Variants in WRN observed in about 807,000 individuals in gnomAD.
WRN encodes the protein WRN RecQ like helicase.
Under a neutral mutation model 180.7 loss-of-function variants are expected in WRN, and 149 were observed. The observed-to-expected ratio is 0.82, with a 90% CI of 0.72 to 0.94. The LOEUF is 0.94. Ranked by LOEUF, WRN falls within the 40% of genes least tolerant of loss-of-function variation. The pLI is 0.00. For synonymous variants in WRN, 548 were observed against 568.9 expected (o/e 0.96, Z 0.52); for missense variants, 1,661 against 1,700.1 (o/e 0.98, Z 0.40).
chr8:31,109,988 A>G (rs951610959), intron 18 of WRN, among the ~76,000 whole-genome samples: 4 of 152,162 alleles, frequency 2.6e-5, no homozygotes, highest in East Asian at 3.8e-4. Flanking sequence ...TTAGAAACAA[A>G]CCCAACCCTG....
intron 8 of WRN, among the ~76,000 whole-genome samples, chr8:31,078,976 C>T (rs1449662172): frequency 6.6e-6 from 1 of 152,154 alleles, no homozygotes; most frequent in Non-Finnish European, 1.5e-5. Flanking sequence ...TATGTTACAC[C>T]ATTTCCTGTC....
In WRN at chr8:31,090,448, T is replaced by G; in HGVS notation, c.1653-17T>G. 1 of 1,609,898 alleles carries G rather than the reference T, an allele frequency of 6.2e-7. No individual in the cohort carries two copies. Among genetic ancestry groups the G allele is most frequent in the Non-Finnish European group, 8.5e-7 (1 of 1,177,050 alleles). ...TTATTAATAAAACAAAATAGCTTTT[T>G]GCTTTTCACCTTCAAGAGTTCAGTG... On this transcript the variant is annotated splice_polypyrimidine_tract_variant and intron_variant, in intron 13 of 34. Transcript: ENST00000298139.
chr8:31,168,544 T>A (rs2130519068), intron 34 of WRN, among the ~76,000 whole-genome samples: 1 of 152,238 alleles, frequency 6.6e-6, no homozygotes, highest in Non-Finnish European at 1.5e-5. Context: ...GGAGAAATTT[T>A]ACTAAGCTTG....
chr8:31,133,736 A>AT (rs1166116617), intron 24 of WRN, among the ~76,000 whole-genome samples: 1 of 152,160 alleles, frequency 6.6e-6, no homozygotes, highest in Non-Finnish European at 1.5e-5. Flanking sequence ...GTGAAACTGT[A>AT]TTTTTTATAA....
intron 6 of WRN, among the ~76,000 whole-genome samples, 197 bp downstream of exon 6, chr8:31,067,379 G>C (rs1812752717): frequency 6.6e-6 from 1 of 152,114 alleles, no homozygotes; most frequent in Admixed American, 6.6e-5. Context: ...CCAATCAACA[G>C]ATTGTTCAAT....
intron 28 of WRN, among the ~76,000 whole-genome samples, chr8:31,144,339 G>T (rs1463543573): frequency 5.5e-5 from 8 of 144,394 alleles, no homozygotes; most frequent in Admixed American, 6.9e-5. Context: ...CTCTAAGTGT[G>T]TTTTTTTTTT....
intron 1 of WRN, among the ~76,000 whole-genome samples, chr8:31,050,509 CTTTTTT>C (rs60531883): frequency 7.5e-6 from 1 of 133,142 alleles, no homozygotes; most frequent in East Asian, 2.2e-4. Flanking sequence ...GTTTTGGATA[CTTTTTT>C]TTTTTTTTTT....
In WRN at chr8:31,154,654, G is replaced by T; in HGVS notation, c.3718G>T (p.Glu1240Ter). ...TDLFSSTKPQ[E>*]EQKTSLVAKN... ...CCTCTTTTCAAGTACAAAACCTCAA[G>T]AAGAACAGAAGACGAGTCTGGTAGC... is the stretch of plus-strand genomic sequence containing the variant. The change falls in exon 32 of 35, where the codon GAA becomes TAA. Residue 1240 changes from glutamate to a stop codon, truncating the protein, a stop_gained. Transcript: ENST00000298139. LOFTEE classifies it high-confidence loss of function. 6.2e-7 allele frequency: 1 copy of T among 1,613,380 alleles called. No homozygotes were observed. The highest frequency in any genetic ancestry group is 1.7e-4 in the Middle Eastern group (1 of 6,054).
rs1803425567 is a variant in WRN at position 31,157,373 on chromosome 8, C to G, written c.3825C>G (p.Ser1275Arg). The change falls in exon 33 of 35, where the codon AGC (serine) becomes AGG (arginine). Residue 1275 changes from serine to arginine, a missense_variant. Coordinates refer to ENST00000298139, the MANE Select transcript of WRN (RefSeq NM_000553.6). ...CTTTGCTGATCTTTCTCTAGAAGAG[C>G]ATAGCTGAGAGCAGGATTCTGCCTC... ...LFQEKKMPLK[S>R]IAESRILPLM... The G allele has an allele frequency of 1.2e-6, 2 of 1,613,776 alleles. No homozygotes were observed. Among genetic ancestry groups the G allele is most frequent in the African/African-American group, 1.3e-5 (1 of 74,898 alleles).
rs111567321 is a variant in WRN, at chr8:31,175,082, C to T, written c.*1980C>T. 2.0e-5 allele frequency among the ~76,000 whole-genome samples: 3 copies of T among 151,754 alleles called. No individual in the cohort carries two copies. Among genetic ancestry groups the T allele is most frequent in the East Asian group, 1.9e-4 (1 of 5,178 alleles). ...TTATATAAAGATTTTTTCTGTGTTT[C>T]GAAGATCCGTATAACTCAGTGAATC... On this transcript the variant is annotated 3_prime_UTR_variant, in exon 35 of 35. Transcript: ENST00000298139.
At chr8:31,105,216 A>G (rs529154095) in intron 18 of WRN, among the ~76,000 whole-genome samples, 23 of 152,320 alleles carry the variant, frequency 1.5e-4, no homozygotes, top group African/African-American at 4.3e-4. Context: ...AGATTTTAGT[A>G]TCATGGTTCA....
At chr8:31,087,556 G>GT in intron 11 of WRN, 1 of 493,860 alleles carries the variant, frequency 2.0e-6, no homozygotes, top group South Asian at 2.1e-5. Context: ...AATGAGCCTT[G>GT]TTTATGCTGG....
intron 19 of WRN, 33 bp from the exon 20 acceptor site, chr8:31,116,321 T>C (rs1237748416): frequency 1.2e-6 from 2 of 1,609,480 alleles, no homozygotes; most frequent in Non-Finnish European, 1.7e-6. Flanking sequence ...ATAAAGTATA[T>C]ATGTTTGCTC....
At chr8:31,066,901 T>G in intron 5 of WRN, 132 bp from the exon 6 acceptor site, 1 of 1,070,136 alleles carries the variant, frequency 9.3e-7, no homozygotes, top group Non-Finnish European at 1.4e-6. Flanking sequence ...GGGAATTTGT[T>G]GAAGGCTATC....
At chr8:31,036,965 C>T (rs898844607) in intron 1 of WRN, among the ~76,000 whole-genome samples, 1 of 152,284 alleles carries the variant, frequency 6.6e-6, no homozygotes. Flanking sequence ...GTACCAAGGA[C>T]TGGTTTCATC....
At chr8:31,162,885 A>G (rs1803689766) in intron 33 of WRN, among the ~76,000 whole-genome samples, 1 of 152,224 alleles carries the variant, frequency 6.6e-6, no homozygotes, top group Non-Finnish European at 1.5e-5. Flanking sequence ...AAATATGATG[A>G]TGATGATGAT....
chr8:31,137,111 G>A (rs1383229070), intron 24 of WRN, among the ~76,000 whole-genome samples: 28 of 150,664 alleles, frequency 1.9e-4, no homozygotes, highest in African/African-American at 6.4e-4. Flanking sequence ...TAGTTGAAAA[G>A]GGAATATGAT....
chr8:31,165,243 A>C (rs1803808195), intron 33 of WRN, among the ~76,000 whole-genome samples: 1 of 152,068 alleles, frequency 6.6e-6, no homozygotes, highest in African/African-American at 2.4e-5. Context: ...TGGTTTATAA[A>C]TATTACATTT....
chr8:31,132,029 G>A (rs1325826527), intron 23 of WRN, among the ~76,000 whole-genome samples: 4 of 147,676 alleles, frequency 2.7e-5, no homozygotes, highest in Non-Finnish European at 5.9e-5. Flanking sequence ...GGTCAAGTAA[G>A]TGGAGCTGTT....
Sources: gnomAD v4.1 joint callset for allele counts (sites outside exome capture counted in the v4.1 genomes callset) on GRCh38, gnomAD v4.1.1 for gene constraint, MANE v1.5 for transcripts, NCBI Gene and HGNC (gene_info 2026-07-23, HGNC 2026-07-21) for gene names.